SRGAP3: variants seen among roughly 807,000 people sequenced by gnomAD.
The protein encoded by SRGAP3 is SLIT-ROBO Rho GTPase activating protein 3, also known as SLIT-ROBO Rho GTPase-activating protein 3.
A neutral mutation model predicts 121.1 loss-of-function variants in SRGAP3; 39 were observed. That is an observed-to-expected ratio of 0.32 (90% CI 0.25 to 0.42). SRGAP3 has a LOEUF of 0.42. Ranked by LOEUF, SRGAP3 falls within the 10% of genes least tolerant of loss-of-function variation. The pLI is 1.00. For synonymous variants in SRGAP3, 601 were observed against 570.0 expected, an observed-to-expected ratio of 1.05 and a Z score of -0.77; for missense variants, 1,213 against 1,470.6, an observed-to-expected ratio of 0.82 and a Z score of 2.86.
rs190060638 is a variant in SRGAP3, at chr3:9,176,081, C to T, written c.68-51164G>A. ...GGACTACAGGCACGTGCCACCATGC[C>T]CGGCTAATTTTTGTATTTTTAGTAG... On this transcript the variant is annotated intron_variant, in intron 1 of 21. Coordinates refer to ENST00000383836, the MANE Select transcript of SRGAP3 (RefSeq NM_014850.4). Among the ~76,000 whole-genome samples, 760 of 152,216 alleles carry T rather than the reference C, an allele frequency of 5.0e-3. 2 individuals carry two copies. Among genetic ancestry groups the T allele is most frequent in the Admixed American group, 8.6e-3 (131 of 15,294 alleles).
chr3:9,189,311 T>G (rs570801081), intron 1 of SRGAP3, among the ~76,000 whole-genome samples: 1 of 152,248 alleles, frequency 6.6e-6, no homozygotes, highest in Non-Finnish European at 1.5e-5. Flanking sequence ...AAACTGAAGG[T>G]TAGGAAATGT....
intron 8 of SRGAP3, among the ~76,000 whole-genome samples, chr3:9,055,280 A>G (rs949820624): frequency 6.6e-6 from 1 of 151,990 alleles, no homozygotes; most frequent in African/African-American, 2.4e-5. Flanking sequence ...CCAGGATAGA[A>G]CTCTTGAGAT....
At chr3:8,998,508 T>C (rs370528556) in intron 18 of SRGAP3, among the ~76,000 whole-genome samples, 2 of 151,102 alleles carry the variant, frequency 1.3e-5, no homozygotes, top group East Asian at 1.9e-4. Context: ...GTGTGTATGA[T>C]GTGTGTATTT....
intron 3 of SRGAP3, among the ~76,000 whole-genome samples, chr3:9,271,785 A>C (rs188896380): frequency 7.9e-5 from 12 of 152,362 alleles, no homozygotes; most frequent in Non-Finnish European, 1.6e-4. Flanking sequence ...GATGTAGCAA[A>C]GAAGCAGTAA....
chr3:9,286,986 CTTTTTTTTTTT>C (rs36096507), intron 3 of SRGAP3, among the ~76,000 whole-genome samples: 1 of 79,094 alleles, frequency 1.3e-5, no homozygotes, highest in South Asian at 5.3e-4. Context: ...CACTGACACT[CTTTTTTTTTTT>C]TTTTTTTTTT....
intron 3 of SRGAP3, among the ~76,000 whole-genome samples, chr3:9,085,243 T>C (rs189324437): frequency 7.3e-4 from 111 of 152,344 alleles, no homozygotes; most frequent in African/African-American, 2.5e-3. Flanking sequence ...CTTCTCAGTG[T>C]AGTCCTTGCC....
At chr3:9,101,801 CGAT>C (rs1287395738) in intron 3 of SRGAP3, among the ~76,000 whole-genome samples, 1 of 152,182 alleles carries the variant, frequency 6.6e-6, no homozygotes, top group Non-Finnish European at 1.5e-5. Flanking sequence ...TGATCACTAA[CGAT>C]GGCCTCCTGG....
chr3:9,268,641 G>A (rs142927289), intron 3 of SRGAP3, among the ~76,000 whole-genome samples: 68 of 152,028 alleles, frequency 4.5e-4, no homozygotes, highest in African/African-American at 1.5e-3. Context: ...GAGGACCCAG[G>A]TAAGGCAAAC....
At chr3:9,313,549 C>T (rs1176450454) in intron 3 of SRGAP3, among the ~76,000 whole-genome samples, 1 of 150,866 alleles carries the variant, frequency 6.6e-6, no homozygotes, top group East Asian at 2.0e-4. Flanking sequence ...AAATCAGCCA[C>T]ACCTGTAATC....
At chr3:9,037,894 A>G in intron 11 of SRGAP3, 169 bp downstream of exon 11, 1 of 873,854 alleles carries the variant, frequency 1.1e-6, no homozygotes. Context: ...TAATGCTAGA[A>G]CAAGCAAAGC....
intron 3 of SRGAP3, among the ~76,000 whole-genome samples, chr3:9,095,252 T>G (rs185550713): frequency 6.6e-6 from 1 of 152,184 alleles, no homozygotes; most frequent in Non-Finnish European, 1.5e-5. Flanking sequence ...TTCTATTTAT[T>G]TATTGTTGTA....
At chr3:9,093,174 T>C (rs1281351867) in intron 3 of SRGAP3, among the ~76,000 whole-genome samples, 7 of 152,238 alleles carry the variant, frequency 4.6e-5, no homozygotes, top group African/African-American at 1.4e-4. Context: ...GGCTTATTTG[T>C]TGGTTTCAAA....
chr3:9,304,622 C>G (rs17050218), intron 3 of SRGAP3, among the ~76,000 whole-genome samples: 3,139 of 152,228 alleles, frequency 0.021, 82 homozygotes, highest in East Asian at 0.077. Flanking sequence ...AGCGAGTGGC[C>G]GGTGCTGTTG....
intron 4 of SRGAP3, among the ~76,000 whole-genome samples, chr3:9,076,667 C>T (rs1173331660): frequency 6.6e-6 from 1 of 152,160 alleles, no homozygotes; most frequent in Admixed American, 6.5e-5. Flanking sequence ...AACACAGTAG[C>T]CCACTTTTCT....
intron 1 of SRGAP3, among the ~76,000 whole-genome samples, chr3:9,246,880 A>C (rs1353343455): frequency 6.6e-6 from 1 of 152,184 alleles, no homozygotes; most frequent in East Asian, 1.9e-4. Flanking sequence ...TTTCCTGATG[A>C]ATGCCTGGTA....
At chr3:9,166,989 T>C (rs2125089302) in intron 1 of SRGAP3, among the ~76,000 whole-genome samples, 1 of 152,256 alleles carries the variant, frequency 6.6e-6, no homozygotes, top group East Asian at 1.9e-4. Flanking sequence ...TAGCTACAAC[T>C]TCTCATCCCT....
intron 3 of SRGAP3, among the ~76,000 whole-genome samples, chr3:9,300,429 C>G (rs1032722134): frequency 1.3e-5 from 2 of 151,942 alleles, no homozygotes; most frequent in Non-Finnish European, 2.9e-5. Flanking sequence ...TCACATCTCC[C>G]CAGACAGTGA....
intron 1 of SRGAP3, among the ~76,000 whole-genome samples, chr3:9,340,770 T>C (rs1423938027): frequency 2.0e-5 from 3 of 152,160 alleles, no homozygotes; most frequent in Admixed American, 1.3e-4. Context: ...CTGCCCACAA[T>C]TGAGATATAC....
intron 3 of SRGAP3, chr3:9,257,239 C>T (rs528698288): frequency 1.2e-5 from 2 of 160,290 alleles, no homozygotes; most frequent in African/African-American, 4.8e-5. Flanking sequence ...CGATGTGATG[C>T]TATTTGGAAA....
Sources: allele counts gnomAD v4.1 joint callset (sites outside exome capture counted in the v4.1 genomes callset), GRCh38; gene constraint gnomAD v4.1.1; transcripts MANE v1.5; gene names NCBI Gene and HGNC (gene_info 2026-07-23, HGNC 2026-07-21).